ZDHHC20: variants seen among roughly 807,000 people sequenced by gnomAD.
ZDHHC20 encodes palmitoyltransferase ZDHHC20.
ZDHHC20 carries 43 observed loss-of-function variants against 57.8 expected under a neutral mutation model. That is an observed-to-expected ratio of 0.74 (90% confidence interval 0.58 to 0.96). The LOEUF is 0.96. Ranked by LOEUF, ZDHHC20 falls within the 40% of genes least tolerant of loss-of-function variation. The probability of loss-of-function intolerance (pLI) is 0.00; values close to 1 mark genes in which losing one functional copy is unlikely to be tolerated. For missense variants in ZDHHC20, 391 were observed against 441.1 expected, an observed-to-expected ratio of 0.89 and a Z score of 1.02; for synonymous variants, 157 against 153.0, an observed-to-expected ratio of 1.03 and a Z score of -0.19.
intron 7 of ZDHHC20, among the ~76,000 whole-genome samples, chr13:21,396,439 G>T (rs113802253): frequency 6.6e-6 from 1 of 152,092 alleles, no homozygotes; most frequent in South Asian, 2.1e-4. Context: ...AATTTATATG[G>T]AATAGACAAC....
At chr13:21,445,401 G>A (rs900545359) in intron 1 of ZDHHC20, among the ~76,000 whole-genome samples, 2 of 152,014 alleles carry the variant, frequency 1.3e-5, no homozygotes, top group Non-Finnish European at 2.9e-5. Context: ...AATAGAGTTA[G>A]AATTAAAAAA....
chr13:21,381,323 C>T, intron 11 of ZDHHC20, 111 bp downstream of exon 11: 1 of 937,564 alleles, frequency 1.1e-6, no homozygotes, highest in East Asian at 2.7e-5. Context: ...AAAAGTTTCA[C>T]ATATTTTAGT....
At chr13:21,408,874 T>C (rs1321569349) in intron 4 of ZDHHC20, among the ~76,000 whole-genome samples, 2 of 152,228 alleles carry the variant, frequency 1.3e-5, no homozygotes, top group African/African-American at 4.8e-5. Context: ...GATAATTATG[T>C]GGTTTTTGTC....
At chr13:21,382,710 C>T (rs9552419) in intron 10 of ZDHHC20, among the ~76,000 whole-genome samples, 2 of 152,186 alleles carry the variant, frequency 1.3e-5, no homozygotes, top group East Asian at 3.9e-4. Flanking sequence ...CTTTCCTACT[C>T]GTAAGTGTTC....
intron 1 of ZDHHC20, among the ~76,000 whole-genome samples, chr13:21,449,647 C>CTTT (rs113924240): frequency 6.9e-6 from 1 of 144,328 alleles, no homozygotes; most frequent in African/African-American, 2.5e-5. Flanking sequence ...TATTATTATA[C>CTTT]TTTTTTTTTT....
At position 21,459,172 on chromosome 13, in the gene ZDHHC20, G is replaced by A. The variant is rs558603891; in HGVS notation, c.-1C>T. Reference sequence around the variant, plus strand: ...AGCGCCACAGCGTCCAGGGCGCCATGTTCCGCTGGCGGCTGCCGAGCCCCG... The same window carrying A: ...AGCGCCACAGCGTCCAGGGCGCCATATTCCGCTGGCGGCTGCCGAGCCCCG... On this transcript the variant is annotated 5_prime_UTR_variant, in exon 1 of 13. Coordinates refer to ENST00000400590, the MANE Select transcript of ZDHHC20 (RefSeq NM_001330059.2). 5.0e-6 allele frequency: 8 copies of A among 1,597,108 alleles called. No individual in the cohort carries two copies. In the Admixed American group the frequency reaches 5.1e-5, roughly 10 times the overall value.
intron 4 of ZDHHC20, among the ~76,000 whole-genome samples, chr13:21,412,161 G>C (rs1315309218): frequency 1.3e-5 from 2 of 152,212 alleles, no homozygotes; most frequent in African/African-American, 4.8e-5. Context: ...AGACCACTCT[G>C]TAGACGTGCA....
At chr13:21,452,903 C>T (rs972811225) in intron 1 of ZDHHC20, among the ~76,000 whole-genome samples, 1 of 151,450 alleles carries the variant, frequency 6.6e-6, no homozygotes, top group East Asian at 1.9e-4. Flanking sequence ...AAAAGAAGGT[C>T]AAAGAAGGAG....
intron 4 of ZDHHC20, among the ~76,000 whole-genome samples, chr13:21,405,912 T>C (rs1177363423): frequency 6.6e-6 from 1 of 152,194 alleles, no homozygotes; most frequent in Non-Finnish European, 1.5e-5. Context: ...ACCAGCAGGA[T>C]CTGAACTCAG....
At chr13:21,385,666 G>A (rs192585428) in intron 9 of ZDHHC20, among the ~76,000 whole-genome samples, 16 of 152,274 alleles carry the variant, frequency 1.1e-4, no homozygotes, top group Middle Eastern at 3.4e-3. Context: ...GCTGGTCAGG[G>A]AGGAGGTGGA....
chr13:21,391,186 C>T (rs1315714490), intron 8 of ZDHHC20, among the ~76,000 whole-genome samples: 1 of 151,922 alleles, frequency 6.6e-6, no homozygotes. Context: ...AGGCTGGTCT[C>T]GAACTCCTGC....
At chr13:21,439,939 C>A (rs1002728710) in intron 1 of ZDHHC20, among the ~76,000 whole-genome samples, 30 of 151,564 alleles carry the variant, frequency 2.0e-4, no homozygotes, top group Admixed American at 2.0e-3. Flanking sequence ...TGGTGGCATG[C>A]GCCTGTAATC....
intron 1 of ZDHHC20, among the ~76,000 whole-genome samples, chr13:21,440,659 T>C (rs1883052860): frequency 6.6e-6 from 1 of 152,040 alleles, no homozygotes; most frequent in Non-Finnish European, 1.5e-5. Flanking sequence ...TATATATATA[T>C]ATGACAAAAG....
intron 2 of ZDHHC20, among the ~76,000 whole-genome samples, chr13:21,423,622 C>T (rs368977822): frequency 1.7e-3 from 254 of 151,072 alleles, no homozygotes; most frequent in South Asian, 7.3e-3. Flanking sequence ...TGCAGTGAGC[C>T]GAGATCGTGC....
At chr13:21,426,603 TTTTC>T (rs1460143183) in intron 1 of ZDHHC20, among the ~76,000 whole-genome samples, 2 of 136,058 alleles carry the variant, frequency 1.5e-5, no homozygotes, top group South Asian at 2.4e-4. Context: ...TTTTTTCTCC[TTTTC>T]TTTTTTTTTT....
chr13:21,402,008 T>C (rs1420378123), intron 5 of ZDHHC20, among the ~76,000 whole-genome samples: 1 of 151,938 alleles, frequency 6.6e-6, no homozygotes, highest in Admixed American at 6.6e-5. Context: ...GTGGAGGCGA[T>C]AGGATCATTT....
chr13:21,412,821 T>C (rs924448444), intron 4 of ZDHHC20, among the ~76,000 whole-genome samples: 1 of 151,746 alleles, frequency 6.6e-6, no homozygotes, highest in African/African-American at 2.4e-5. Flanking sequence ...ATACAAAAAT[T>C]AGCCGGGTTT....
At chr13:21,416,659 AT>A (rs1347218631) in intron 3 of ZDHHC20, among the ~76,000 whole-genome samples, 3 of 152,248 alleles carry the variant, frequency 2.0e-5, no homozygotes, top group Admixed American at 6.5e-5. Flanking sequence ...AGTGGGAGAT[AT>A]CAATGAAAGT....
chr13:21,416,872 G>GT (rs1228241717), intron 3 of ZDHHC20, among the ~76,000 whole-genome samples: 2 of 152,198 alleles, frequency 1.3e-5, no homozygotes, highest in African/African-American at 4.8e-5. Flanking sequence ...TAAGATTTTA[G>GT]TTCATGAAGG....
Sources: gnomAD v4.1 joint callset for allele counts (sites outside exome capture counted in the v4.1 genomes callset) on GRCh38, gnomAD v4.1.1 for gene constraint, MANE v1.5 for transcripts, NCBI Gene and HGNC (gene_info 2026-07-23, HGNC 2026-07-21) for gene names.